RNF180: variants seen among roughly 807,000 people sequenced by gnomAD.
The protein encoded by RNF180 is ring finger protein 180, also known as E3 ubiquitin-protein ligase RNF180.
In RNF180, 38 loss-of-function variants were observed where a neutral mutation model predicts 59.2. The observed-to-expected ratio is 0.64, with a 90% confidence interval of 0.50 to 0.84. The LOEUF (loss-of-function observed/expected upper bound fraction) is 0.84. Ranked by LOEUF, RNF180 falls within the 40% of genes least tolerant of loss-of-function variation. The probability of loss-of-function intolerance (pLI) is 0.00; values close to 1 mark genes in which losing one functional copy is unlikely to be tolerated. For missense variants in RNF180, 705 were observed against 700.9 expected (o/e 1.01, Z -0.07); for synonymous variants, 262 against 240.3 (o/e 1.09, Z -0.84).
chr5:64,316,316 C>A (rs1301430334), intron 5 of RNF180, among the ~76,000 whole-genome samples: 1 of 152,014 alleles, frequency 6.6e-6, no homozygotes, highest in Non-Finnish European at 1.5e-5. Context: ...CCTAAAGGAC[C>A]CATTAAATAT....
At chr5:64,362,480 G>A (rs1190877146) in intron 7 of RNF180, among the ~76,000 whole-genome samples, 1 of 151,844 alleles carries the variant, frequency 6.6e-6, no homozygotes, top group South Asian at 2.1e-4. Context: ...TCTTTATCCA[G>A]TCTACCATTC....
intron 1 of RNF180, among the ~76,000 whole-genome samples, chr5:64,173,258 TTCTTGAATGTA>T (rs1044824785): frequency 3.9e-5 from 6 of 152,234 alleles, no homozygotes; most frequent in African/African-American, 1.4e-4. Context: ...TTTTACATAT[TTCTTGAATGTA>T]TCTTGAATGT....
chr5:64,208,922 T>C (rs1224236664), intron 2 of RNF180, among the ~76,000 whole-genome samples: 4 of 152,044 alleles, frequency 2.6e-5, no homozygotes, highest in Non-Finnish European at 5.9e-5. Flanking sequence ...GAATTTTTTC[T>C]AAACATACCT....
intron 5 of RNF180, among the ~76,000 whole-genome samples, chr5:64,319,012 T>C (rs1744203391): frequency 6.6e-6 from 1 of 152,126 alleles, no homozygotes; most frequent in Non-Finnish European, 1.5e-5. Flanking sequence ...TTGTCAATAA[T>C]GTATTAAAGT....
chr5:64,258,107 G>A (rs1163131550), intron 5 of RNF180, among the ~76,000 whole-genome samples: 1 of 152,192 alleles, frequency 6.6e-6, no homozygotes, highest in Non-Finnish European at 1.5e-5. Context: ...ACAGTCAGGA[G>A]TTGACAAGTG....
chr5:64,325,087 T>C (rs1744567286), intron 5 of RNF180, 99 bp from the exon 6 acceptor site: 1 of 707,466 alleles, frequency 1.4e-6, no homozygotes, highest in Admixed American at 2.6e-5. Context: ...GTTTATATGC[T>C]TCTCAAATAT....
In RNF180 at chr5:64,371,761, A is replaced by ATCTT. The variant is rs1273554956; in HGVS notation, c.*1949_*1952dup. 6.6e-6 allele frequency: 1 copy of ATCTT among 151,698 alleles called. No homozygotes were observed. Among genetic ancestry groups the ATCTT allele is most frequent in the Non-Finnish European group, 1.5e-5 (1 of 67,736 alleles). The allele number at this position is 151,698 out of a possible 1,614,324, so 9.4% of individuals were successfully genotyped here. On this transcript the variant is annotated 3_prime_UTR_variant, in exon 8 of 8. Coordinates refer to ENST00000389100, the MANE Select transcript of RNF180 (RefSeq NM_001113561.2). ...AAATTCATAAAATTATAAATTACTAATCTTTAAAATATTCTTAAATTTTGT... is the reference window on the plus strand; with the variant it reads ...AAATTCATAAAATTATAAATTACTAATCTTTCTTTAAAATATTCTTAAATTTTGT...
intron 7 of RNF180, among the ~76,000 whole-genome samples, chr5:64,348,775 A>G (rs1217293544): frequency 6.6e-6 from 1 of 152,118 alleles, no homozygotes; most frequent in Non-Finnish European, 1.5e-5. Context: ...CTAAAATTAT[A>G]AAACAGATTT....
chr5:64,345,096 A>G (rs1745504204), intron 7 of RNF180, among the ~76,000 whole-genome samples: 2 of 152,158 alleles, frequency 1.3e-5, no homozygotes, highest in Admixed American at 1.3e-4. Context: ...ATAACTTAAA[A>G]ATGTATAGCC....
chr5:64,213,992 AGC>A lies in RNF180; in HGVS notation c.667_668del (p.Ala223PhefsTer3). The A allele has an allele frequency of 6.2e-7, 1 of 1,614,122 alleles. No individual in the cohort carries two copies. The highest frequency in any genetic ancestry group is 8.5e-7 in the Non-Finnish European group (1 of 1,179,994). On this transcript the variant is annotated frameshift_variant, in exon 4 of 8. Transcript: ENST00000389100. LOFTEE classifies it high-confidence loss of function. ...TTGTGACTGGCAGATGCGCTACAAGAGCTTTTCATAGAAAATCACATAGTTTG... is the reference window on the plus strand; with the variant it reads ...TTGTGACTGGCAGATGCGCTACAAGATTTTCATAGAAAATCACATAGTTTG... Reference protein sequence around the residue: ...QLVTGRCATRAFHRKSHSLDL... With the variant: ...QLVTGRCATRXFHRKSHSLDL...
chr5:64,310,452 TCTC>T (rs1346365657), intron 5 of RNF180, among the ~76,000 whole-genome samples: 1 of 151,142 alleles, frequency 6.6e-6, no homozygotes, highest in Non-Finnish European at 1.5e-5. Flanking sequence ...TGAGTATCAG[TCTC>T]CTCACTGCTA....
intron 5 of RNF180, among the ~76,000 whole-genome samples, chr5:64,299,665 A>T (rs1743062644): frequency 6.6e-6 from 1 of 151,934 alleles, no homozygotes; most frequent in Non-Finnish European, 1.5e-5. Context: ...TTGACTCAGT[A>T]GGCTTGTTTT....
chr5:64,268,968 CTAA>C (rs10598594), intron 5 of RNF180, among the ~76,000 whole-genome samples: 3,298 of 152,192 alleles, frequency 0.022, 86 homozygotes, highest in African/African-American at 0.056. Flanking sequence ...CTTATTACTT[CTAA>C]TGTCTCTACC....
chr5:64,302,879 A>G (rs751383109), intron 5 of RNF180, among the ~76,000 whole-genome samples: 5 of 151,668 alleles, frequency 3.3e-5, no homozygotes, highest in African/African-American at 1.2e-4. Flanking sequence ...TCACAGTTAT[A>G]TGCAGTCAAA....
At chr5:64,194,007 T>G (rs949866357) in intron 1 of RNF180, among the ~76,000 whole-genome samples, 1 of 149,786 alleles carries the variant, frequency 6.7e-6, no homozygotes, top group Non-Finnish European at 1.5e-5. Flanking sequence ...AGTTACAAGT[T>G]TTTTTTTTTA....
chr5:64,342,968 T>G (rs1190807846), intron 7 of RNF180, among the ~76,000 whole-genome samples: 1 of 152,146 alleles, frequency 6.6e-6, no homozygotes, highest in Non-Finnish European at 1.5e-5. Context: ...CCAACCCTGC[T>G]TATTAATTGT....
chr5:64,314,968 A>G (rs988943327), intron 5 of RNF180, among the ~76,000 whole-genome samples: 4 of 152,222 alleles, frequency 2.6e-5, no homozygotes, highest in Admixed American at 6.5e-5. Context: ...TAGTCTTGAC[A>G]CCTGATACTA....
chr5:64,191,322 A>G (rs890850296), intron 1 of RNF180, among the ~76,000 whole-genome samples: 7 of 152,182 alleles, frequency 4.6e-5, no homozygotes, highest in African/African-American at 1.7e-4. Flanking sequence ...AATAATTTAC[A>G]TTAGGATTTA....
intron 5 of RNF180, among the ~76,000 whole-genome samples, chr5:64,229,487 G>T (rs1211688741): frequency 6.6e-6 from 1 of 152,176 alleles, no homozygotes; most frequent in African/African-American, 2.4e-5. Context: ...AAACGTAAGA[G>T]ATTTTGTGCT....
Sources: gnomAD v4.1 joint callset for allele counts (sites outside exome capture counted in the v4.1 genomes callset) on GRCh38, gnomAD v4.1.1 for gene constraint, MANE v1.5 for transcripts, NCBI Gene and HGNC (gene_info 2026-07-23, HGNC 2026-07-21) for gene names.